Variants in ABCC12 observed in about 807,000 individuals in gnomAD.
ABCC12 encodes the protein ATP-binding cassette sub-family C member 12.
ABCC12 carries 142 observed loss-of-function variants against 151.1 expected under a neutral mutation model. The ratio of observed to expected loss-of-function variants is 0.94; its 90% CI spans 0.82 to 1.08. ABCC12 has a LOEUF of 1.08. Ranked by LOEUF, ABCC12 falls within the 50% of genes least tolerant of loss-of-function variation. The probability of loss-of-function intolerance (pLI) is 0.00; values close to 1 mark genes in which losing one functional copy is unlikely to be tolerated. For synonymous variants in ABCC12, 645 were observed against 646.4 expected (o/e 1.00, Z 0.03); for missense variants, 1,638 against 1,691.1 (o/e 0.97, Z 0.55).
intron 12 of ABCC12, among the ~76,000 whole-genome samples, chr16:48,122,224 G>A (rs1166182262): frequency 6.6e-6 from 1 of 152,218 alleles, no homozygotes; most frequent in Non-Finnish European, 1.5e-5. Context: ...ACCCTGCTCA[G>A]CCAGGCCCTG....
intron 1 of ABCC12, among the ~76,000 whole-genome samples, chr16:48,155,451 T>TG (rs1567460962): frequency 1.1e-4 from 16 of 152,164 alleles, no homozygotes; most frequent in African/African-American, 3.6e-4. Flanking sequence ...GTCTTTTTTT[T>TG]TGGGGGGGAG....
intron 2 of ABCC12, 180 bp from the exon 3 acceptor site, chr16:48,146,654 C>G: frequency 2.0e-6 from 1 of 488,448 alleles, no homozygotes; most frequent in Non-Finnish European, 3.6e-6. Flanking sequence ...CTTAATGCTA[C>G]GCTGAGGCTT....
At chr16:48,100,718 G>A (rs1014596706) in intron 23 of ABCC12, among the ~76,000 whole-genome samples, 154 bp downstream of exon 23, 1 of 152,218 alleles carries the variant, frequency 6.6e-6, no homozygotes, top group African/African-American at 2.4e-5. Flanking sequence ...GAGAGGCTGT[G>A]AGGCCAAGTG....
chr16:48,099,513 AG>A (rs1218715807), intron 23 of ABCC12, among the ~76,000 whole-genome samples: 2 of 152,242 alleles, frequency 1.3e-5, no homozygotes, highest in African/African-American at 4.8e-5. Context: ...TGGCATTTTA[AG>A]GAAGGAAAAG....
intron 2 of ABCC12, among the ~76,000 whole-genome samples, chr16:48,151,896 G>A (rs1037593901): frequency 1.3e-5 from 2 of 152,216 alleles, no homozygotes; most frequent in Non-Finnish European, 2.9e-5. Context: ...GGTCAATACG[G>A]TCTGGGAGGA....
intron 12 of ABCC12, 48 bp downstream of exon 12, chr16:48,124,165 A>G (rs910482424): frequency 1.3e-6 from 2 of 1,587,918 alleles, no homozygotes; most frequent in Middle Eastern, 1.7e-4. Flanking sequence ...GAGCCATTTC[A>G]TTGTCATGTT....
chr16:48,118,806 G>A (rs1597314654), intron 13 of ABCC12, among the ~76,000 whole-genome samples: 1 of 152,216 alleles, frequency 6.6e-6, no homozygotes, highest in Admixed American at 6.5e-5. Flanking sequence ...TCAGAGAATG[G>A]TTTGAATCCA....
chr16:48,104,171 G>C lies in ABCC12; in HGVS notation c.2871C>G (p.Ser957Arg). 1 of 1,614,178 alleles carries C rather than the reference G, an allele frequency of 6.2e-7. No individual in the cohort carries two copies. Among genetic ancestry groups the C allele is most frequent in the African/African-American group, 1.3e-5 (1 of 75,038 alleles). Residue 957 changes from serine to arginine, a missense_variant, in exon 22 of 31, where the codon AGC becomes AGG. By Grantham distance (110) the Ser-to-Arg change is moderately radical. Transcript: ENST00000311303. ...ACAGAATGAAGAAGCCTACAGCAAG[G>C]CTGGCCACGACTAAAAGGACAGCAG... ...VFPAVLLVVA[S>R]LAVGFFILLR...
chr16:48,114,898 G>C (rs542044072), intron 15 of ABCC12, among the ~76,000 whole-genome samples: 3 of 152,312 alleles, frequency 2.0e-5, no homozygotes, highest in South Asian at 2.1e-4. Context: ...TGAGCAGAGA[G>C]AGCTTCCCCA....
Position 48,111,564 on chromosome 16 carries a change from G to C in ABCC12, c.2209+14C>G. 6.2e-7 allele frequency: 1 copy of C among 1,614,152 alleles called. No homozygotes were observed. Among genetic ancestry groups the C allele is most frequent in the Non-Finnish European group, 8.5e-7 (1 of 1,180,018 alleles). ...CATTCAAGCCAAGGACAATAACAGG[G>C]ATGGGATTCTAACCGATTATACCAG... On this transcript the variant is annotated intron_variant, in intron 17 of 30. Coordinates refer to ENST00000311303, the MANE Select transcript of ABCC12 (RefSeq NM_001393797.1).
chr16:48,119,671 G>A (rs1471572458), intron 13 of ABCC12, among the ~76,000 whole-genome samples: 1 of 152,222 alleles, frequency 6.6e-6, no homozygotes, highest in Non-Finnish European at 1.5e-5. Flanking sequence ...ATACCAGCCA[G>A]CAGGGACAGA....
intron 29 of ABCC12, among the ~76,000 whole-genome samples, chr16:48,085,214 A>G (rs74396832): frequency 0.076 from 11,535 of 152,192 alleles, 453 homozygotes; most frequent in Non-Finnish European, 0.086. Flanking sequence ...AAATTCTACA[A>G]TTCCCATATC....
rs1414272706 is a variant in ABCC12, at chr16:48,141,428, C to T, written c.276-75G>A. On this transcript the variant is annotated intron_variant, in intron 4 of 30. Transcript: ENST00000311303. ...GTTTGAAGCTACGCTGTTGGGCATG[C>T]TCTTGCAAGGGTGCTCGGCAGAGCC... is the stretch of plus-strand genomic sequence containing the variant. 2.7e-5 allele frequency: 42 copies of T among 1,575,708 alleles called. No homozygotes were observed. In the East Asian group the frequency reaches 5.2e-4, roughly 19 times the overall value.
rs1040280648 is a variant in ABCC12 at position 48,127,129 on chromosome 16, A to C, written c.1515+1330T>G. Reference sequence around the variant, plus strand: ...GGCAGACAGCTTTGTTAGCTATGAGAGGTACCACTCTCACACCAGCTATTG... The same window carrying C: ...GGCAGACAGCTTTGTTAGCTATGAGCGGTACCACTCTCACACCAGCTATTG... On this transcript the variant is annotated intron_variant, in intron 11 of 30. Transcript: ENST00000311303. Among the ~76,000 whole-genome samples the C allele has an allele frequency of 4.6e-5, 7 of 152,178 alleles. 1 individual carries two copies. Among genetic ancestry groups the C allele is most frequent in the Admixed American group, 3.9e-4 (6 of 15,278 alleles).
chr16:48,130,522 T>C (rs1251611407), intron 10 of ABCC12, among the ~76,000 whole-genome samples: 1 of 152,222 alleles, frequency 6.6e-6, no homozygotes, highest in Admixed American at 6.5e-5. Context: ...TTAGGATGTA[T>C]AGATTGTTTA....
chr16:48,113,584 G>C (rs1963774380), intron 15 of ABCC12, among the ~76,000 whole-genome samples: 1 of 152,208 alleles, frequency 6.6e-6, no homozygotes, highest in Admixed American at 6.5e-5. Flanking sequence ...TAAGAGCAGA[G>C]GGGATAGGCT....
chr16:48,104,655 C>T (rs181776709), intron 21 of ABCC12, among the ~76,000 whole-genome samples: 79 of 152,304 alleles, frequency 5.2e-4, no homozygotes, highest in African/African-American at 1.9e-3. Flanking sequence ...GAGGCTGATG[C>T]CTTTGTCGGA....
rs772269701 is a variant in ABCC12 at position 48,091,232 on chromosome 16, C to CG, written c.3196-24dup. Reference sequence around the variant, plus strand: ...CAGCTGTTGAAAAGGAGCGAGCAGCCGCAGTTAGAGCCCCTTCCTCCTTCG... The same window carrying CG: ...CAGCTGTTGAAAAGGAGCGAGCAGCCGGCAGTTAGAGCCCCTTCCTCCTTCG... On this transcript the variant is annotated intron_variant, in intron 24 of 30. Transcript: ENST00000311303. 3.1e-6 allele frequency: 5 copies of CG among 1,610,390 alleles called. No homozygotes were observed. The East Asian group carries it at 8.9e-5, about 29-fold the overall frequency.
chr16:48,148,448 G>T (rs1395904467), intron 2 of ABCC12, among the ~76,000 whole-genome samples: 3 of 151,910 alleles, frequency 2.0e-5, no homozygotes, highest in African/African-American at 7.3e-5. Context: ...TGTTGCCCAG[G>T]CTGGTCTCAA....
Sources: allele counts gnomAD v4.1 joint callset (sites outside exome capture counted in the v4.1 genomes callset), GRCh38; gene constraint gnomAD v4.1.1; transcripts MANE v1.5; gene names NCBI Gene and HGNC (gene_info 2026-07-23, HGNC 2026-07-21).